FYTTD1: variants seen among roughly 807,000 people sequenced by gnomAD.
FYTTD1 encodes UAP56-interacting factor.
Under a neutral mutation model 40.9 loss-of-function variants are expected in FYTTD1, and 22 were observed. The observed-to-expected ratio is 0.54, with a 90% confidence interval of 0.38 to 0.77. FYTTD1 has a LOEUF of 0.77. Among genes scored for constraint, FYTTD1 ranks in the 30% least tolerant of loss-of-function variants. The probability of loss-of-function intolerance (pLI) is 0.00; values close to 1 mark genes in which losing one functional copy is unlikely to be tolerated. For missense variants in FYTTD1, 351 were observed against 392.2 expected (o/e 0.90, Z 0.89); for synonymous variants, 140 against 137.9 (o/e 1.01, Z -0.10).
At chr3:197,778,714 G>A (rs1159342387) in intron 8 of FYTTD1, among the ~76,000 whole-genome samples, 8 of 152,124 alleles carry the variant, frequency 5.3e-5, no homozygotes, top group Non-Finnish European at 8.8e-5. Flanking sequence ...TATTGTATGC[G>A]TGTTTAATTT....
intron 6 of FYTTD1, among the ~76,000 whole-genome samples, chr3:197,775,250 A>G (rs1390631561): frequency 6.6e-6 from 1 of 152,218 alleles, no homozygotes; most frequent in Non-Finnish European, 1.5e-5. Context: ...TTGAAAACCT[A>G]TTTTATCCTG....
In FYTTD1 at chr3:197,770,143, A is replaced by G. The variant is rs775374207; in HGVS notation, c.396A>G (p.Gln132=). 3 of 1,601,028 alleles carry G rather than the reference A, an allele frequency of 1.9e-6. No homozygotes were observed. The highest frequency in any genetic ancestry group is 2.2e-5 in the East Asian group (1 of 44,674). The part of the protein sequence containing the change: ...RPPLSDKNIE[Q]YFPVLKRKAN... ...TTGCCTTCTGATAGAATATAGAACA[A>G]TATTTTCCAGTGTTAAAAAGGAAGG... is the stretch of plus-strand genomic sequence containing the variant. Residue 132 remains glutamine, a synonymous_variant, in exon 4 of 9, where the codon CAA becomes CAG. Coordinates refer to ENST00000241502, the MANE Select transcript of FYTTD1 (RefSeq NM_032288.7).
At position 197,768,477 on chromosome 3, in the gene FYTTD1, A is replaced by G. The variant is rs1323417760; in HGVS notation, c.274A>G (p.Met92Val). ...KTSLNRRGRV[M>V]PGKRRPNGVI... ...TAGTCTGAATCGTAGAGGAAGAGTAATGCCTGGAAAGAGACGTCCTAATGG... is the reference window on the plus strand; with the variant it reads ...TAGTCTGAATCGTAGAGGAAGAGTAGTGCCTGGAAAGAGACGTCCTAATGG... The change falls in exon 3 of 9, where the codon ATG (methionine) becomes GTG (valine). Residue 92 changes from methionine to valine, a missense_variant. By Grantham distance (21) the Met-to-Val change is conservative. Coordinates refer to ENST00000241502, the MANE Select transcript of FYTTD1 (RefSeq NM_032288.7). 1 of 1,612,366 alleles carries G rather than the reference A, an allele frequency of 6.2e-7. No homozygotes were observed. The highest frequency in any genetic ancestry group is 8.5e-7 in the Non-Finnish European group (1 of 1,178,692).
intron 2 of FYTTD1, among the ~76,000 whole-genome samples, chr3:197,766,147 A>AG (rs1478120643): frequency 7.1e-6 from 1 of 139,976 alleles, no homozygotes; most frequent in Non-Finnish European, 1.5e-5. Context: ...TGGGCAACAG[A>AG]GCGAGACTCT....
At chr3:197,758,904 A>G (rs73894341) in intron 2 of FYTTD1, among the ~76,000 whole-genome samples, 3,692 of 152,356 alleles carry the variant, frequency 0.024, 125 homozygotes, top group African/African-American at 0.082. Context: ...TGATGGCTGA[A>G]CAAGTCAATG....
At chr3:197,758,892 T>C (rs2109038905) in intron 2 of FYTTD1, among the ~76,000 whole-genome samples, 1 of 152,372 alleles carries the variant, frequency 6.6e-6, no homozygotes, top group Non-Finnish European at 1.5e-5. Context: ...CGGTATGATT[T>C]CTGATGGCTG....
rs1371171979 is a variant in FYTTD1 at position 197,753,959 on chromosome 3, C to T, written c.104-2467C>T. 4.6e-5 allele frequency among the ~76,000 whole-genome samples: 7 copies of T among 152,100 alleles called. No individual in the cohort carries two copies. In the South Asian group the frequency reaches 1.4e-3, roughly 32 times the overall value. On this transcript the variant is annotated intron_variant, in intron 1 of 8. Coordinates refer to ENST00000241502, the MANE Select transcript of FYTTD1 (RefSeq NM_032288.7). ...GTTTCACCATATTAGCCAGGATGGT[C>T]TCGATCTCCTGACCTCATGATCCGC...
At chr3:197,776,551 A>G (rs1239673025) in intron 6 of FYTTD1, among the ~76,000 whole-genome samples, 2 of 151,478 alleles carry the variant, frequency 1.3e-5, no homozygotes, top group Non-Finnish European at 2.9e-5. Flanking sequence ...CTATGTAAGC[A>G]TCTTGTTTAG....
intron 1 of FYTTD1, chr3:197,755,841 A>T (rs1293781957): frequency 5.8e-6 from 9 of 1,550,936 alleles, no homozygotes; most frequent in Non-Finnish European, 7.8e-6. Flanking sequence ...GGAAGTAAGT[A>T]GGAAAATGGA....
chr3:197,773,351 A>G, intron 4 of FYTTD1, 52 bp from the exon 5 acceptor site: 2 of 1,082,306 alleles, frequency 1.8e-6, no homozygotes, highest in Non-Finnish European at 2.8e-6. Flanking sequence ...TTTCCTCAAG[A>G]TGTTTGAAAG....
At position 197,768,672 on chromosome 3, in the gene FYTTD1, T is replaced by G. The variant is rs537663354; in HGVS notation, c.384+85T>G. Reference sequence around the variant, plus strand: ...CTGTGAATAAGCTTAAGAGAGAATTTTATTTGTTTTTATGTAGTACTTTGG... The same window carrying G: ...CTGTGAATAAGCTTAAGAGAGAATTGTATTTGTTTTTATGTAGTACTTTGG... On this transcript the variant is annotated intron_variant, in intron 3 of 8. Coordinates refer to ENST00000241502, the MANE Select transcript of FYTTD1 (RefSeq NM_032288.7). 1,386 of 1,134,142 alleles carry G rather than the reference T, an allele frequency of 1.2e-3. 3 individuals carry two copies. The highest frequency in any genetic ancestry group is 1.5e-3 in the Non-Finnish European group (1,275 of 835,212). 70.3% of individuals were successfully genotyped at this position (1,134,142 alleles called of 1,614,324 possible). A position where few individuals can be genotyped will look rare whatever the true frequency, so the allele number is the denominator to read the frequency against.
intron 3 of FYTTD1, 33 bp downstream of exon 3, chr3:197,768,620 C>T: frequency 6.4e-7 from 1 of 1,566,352 alleles, no homozygotes; most frequent in Non-Finnish European, 8.7e-7. Flanking sequence ...GATTAGATAT[C>T]CTTTTCCTTT....
At chr3:197,758,224 T>G (rs921058844) in intron 2 of FYTTD1, among the ~76,000 whole-genome samples, 1 of 152,240 alleles carries the variant, frequency 6.6e-6, no homozygotes, top group African/African-American at 2.4e-5. Flanking sequence ...CCTAAATATT[T>G]CTTATAAATG....
chr3:197,774,909 T>A (rs1300189628), intron 6 of FYTTD1, among the ~76,000 whole-genome samples: 3 of 152,252 alleles, frequency 2.0e-5, no homozygotes, highest in African/African-American at 7.2e-5. Flanking sequence ...AAAAAATTTT[T>A]AAACATTGAG....
intron 2 of FYTTD1, among the ~76,000 whole-genome samples, chr3:197,760,489 G>A (rs1052738089): frequency 6.6e-6 from 1 of 151,492 alleles, no homozygotes; most frequent in Non-Finnish European, 1.5e-5. Context: ...GAGTTCTTCA[G>A]GGGTAGAATG....
intron 2 of FYTTD1, among the ~76,000 whole-genome samples, chr3:197,766,947 G>C (rs2109045844): frequency 6.6e-6 from 1 of 152,256 alleles, no homozygotes; most frequent in Non-Finnish European, 1.5e-5. Context: ...GTAAAAGAAA[G>C]ACTAGAAAGA....
chr3:197,764,879 C>A (rs556486430), intron 2 of FYTTD1, among the ~76,000 whole-genome samples: 3 of 150,084 alleles, frequency 2.0e-5, no homozygotes, highest in Non-Finnish European at 4.4e-5. Context: ...AGGATGGAGT[C>A]TTGCCCTGTC....
chr3:197,750,090 G>C lies in FYTTD1; in HGVS notation c.103+16G>C. ...ATGTCTTTGGGTGAGGGGCCGAGTTGGACCGAGTTGGAGTGCGGGGGAGGG... is the reference window on the plus strand; with the variant it reads ...ATGTCTTTGGGTGAGGGGCCGAGTTCGACCGAGTTGGAGTGCGGGGGAGGG... On this transcript the variant is annotated intron_variant, in intron 1 of 8. Coordinates refer to ENST00000241502, the MANE Select transcript of FYTTD1 (RefSeq NM_032288.7). The C allele has an allele frequency of 6.5e-7, 1 of 1,544,922 alleles. No homozygotes were observed. The highest frequency in any genetic ancestry group is 1.4e-5 in the African/African-American group (1 of 70,644).
At chr3:197,778,221 A>G in intron 7 of FYTTD1, 117 bp from the exon 8 acceptor site, 2 of 660,786 alleles carry the variant, frequency 3.0e-6, no homozygotes, top group East Asian at 6.3e-5. Flanking sequence ...TTTTGAGAAC[A>G]CAAATAAAAT....
Sources: gnomAD v4.1 joint callset for allele counts (sites outside exome capture counted in the v4.1 genomes callset) on GRCh38, gnomAD v4.1.1 for gene constraint, MANE v1.5 for transcripts, NCBI Gene and HGNC (gene_info 2026-07-23, HGNC 2026-07-21) for gene names.